Variants in RALGAPA2 observed in about 807,000 individuals in gnomAD.
RALGAPA2 encodes ral GTPase-activating protein subunit alpha-2.
RALGAPA2 carries 139 observed loss-of-function variants against 230.4 expected under a neutral mutation model. The ratio of observed to expected loss-of-function variants is 0.60; its 90% CI spans 0.53 to 0.69. The LOEUF is 0.69. Ranked by LOEUF, RALGAPA2 falls within the 30% of genes least tolerant of loss-of-function variation. The probability of loss-of-function intolerance (pLI) is 0.00; values close to 1 mark genes in which losing one functional copy is unlikely to be tolerated. For missense variants in RALGAPA2, 2,163 were observed against 2,276.0 expected (o/e 0.95, Z 1.01); for synonymous variants, 847 against 837.8 (o/e 1.01, Z -0.19).
chr20:20,603,205 A>G (rs1296291230), intron 15 of RALGAPA2, among the ~76,000 whole-genome samples: 2 of 152,212 alleles, frequency 1.3e-5, no homozygotes, highest in African/African-American at 4.8e-5. Flanking sequence ...AAAATGTTAG[A>G]AAATCATTGC....
chr20:20,429,489 C>G (rs2060457983), intron 37 of RALGAPA2, among the ~76,000 whole-genome samples: 1 of 152,142 alleles, frequency 6.6e-6, no homozygotes, highest in South Asian at 2.1e-4. Flanking sequence ...GTACAATTGT[C>G]ATAAGAAGCT....
chr20:20,652,742 G>C (rs1025230668), intron 4 of RALGAPA2, among the ~76,000 whole-genome samples: 6 of 152,194 alleles, frequency 3.9e-5, no homozygotes, highest in Non-Finnish European at 7.3e-5. Flanking sequence ...CTCCAGCTGT[G>C]CTGTGTATAT....
chr20:20,518,848 A>T (rs955723267), intron 31 of RALGAPA2, among the ~76,000 whole-genome samples: 6 of 152,218 alleles, frequency 3.9e-5, no homozygotes, highest in Non-Finnish European at 2.9e-5. Flanking sequence ...CTTTAGGAAA[A>T]AACAAGTTAA....
chr20:20,566,567 T>C (rs2064433528), intron 23 of RALGAPA2, among the ~76,000 whole-genome samples: 1 of 152,208 alleles, frequency 6.6e-6, no homozygotes, highest in Middle Eastern at 3.2e-3. Flanking sequence ...GTTCTTCTCC[T>C]TACCCTTAAT....
chr20:20,478,625 T>C (rs77637468), intron 36 of RALGAPA2, among the ~76,000 whole-genome samples: 4 of 151,566 alleles, frequency 2.6e-5, no homozygotes, highest in Non-Finnish European at 4.4e-5. Context: ...GAGCTAAACA[T>C]TGAGTACTCA....
At chr20:20,459,824 A>C (rs1031429085) in intron 37 of RALGAPA2, among the ~76,000 whole-genome samples, 4 of 152,244 alleles carry the variant, frequency 2.6e-5, no homozygotes, top group Non-Finnish European at 5.9e-5. Context: ...GAATTATTTG[A>C]AGCAGCAGCT....
chr20:20,628,777 C>T (rs763260315), intron 10 of RALGAPA2, among the ~76,000 whole-genome samples: 9 of 152,190 alleles, frequency 5.9e-5, no homozygotes, highest in Non-Finnish European at 1.0e-4. Flanking sequence ...GGCCACTAAC[C>T]GTAGCCTGGG....
intron 38 of RALGAPA2, among the ~76,000 whole-genome samples, chr20:20,404,031 G>C (rs1014257900): frequency 6.6e-5 from 10 of 152,146 alleles, no homozygotes; most frequent in African/African-American, 2.4e-4. Flanking sequence ...GCCTCTGCGT[G>C]GGGGCACAGG....
chr20:20,524,388 G>A lies in RALGAPA2; in HGVS notation c.3900+18C>T. 1 of 1,613,414 alleles carries A rather than the reference G, an allele frequency of 6.2e-7. No homozygotes were observed. The highest frequency in any genetic ancestry group is 8.5e-7 in the Non-Finnish European group (1 of 1,179,604). The stretch of plus-strand genomic sequence containing the variant: ...ATAAACCCACACTCCATTCCCCCAG[G>A]CCCAGGTGTAGACTCACCCTGTAGA... On this transcript the variant is annotated intron_variant, in intron 30 of 39. Coordinates refer to ENST00000202677, the MANE Select transcript of RALGAPA2 (RefSeq NM_020343.4).
intron 31 of RALGAPA2, among the ~76,000 whole-genome samples, chr20:20,516,402 T>C (rs1401543880): frequency 6.6e-6 from 1 of 152,190 alleles, no homozygotes; most frequent in East Asian, 1.9e-4. Flanking sequence ...AAGCACCACC[T>C]CATGGCTGCA....
chr20:20,526,700 C>T (rs549332173), intron 27 of RALGAPA2, among the ~76,000 whole-genome samples: 40 of 152,278 alleles, frequency 2.6e-4, no homozygotes, highest in African/African-American at 9.1e-4. Context: ...TTAAAATGTA[C>T]CCCCATACAC....
intron 32 of RALGAPA2, among the ~76,000 whole-genome samples, chr20:20,512,223 C>CCA (rs2062727247): frequency 1.5e-5 from 2 of 135,722 alleles, no homozygotes; most frequent in South Asian, 4.6e-4. Flanking sequence ...ACAACCCCCC[C>CCA]TACACACACA....
chr20:20,535,860 T>G, intron 25 of RALGAPA2, 57 bp from the exon 26 acceptor site: 1 of 1,516,228 alleles, frequency 6.6e-7, no homozygotes, highest in Non-Finnish European at 8.9e-7. Flanking sequence ...GTTTCCCACA[T>G]GTTCTGACCA....
At chr20:20,532,134 GA>G (rs2063383188) in intron 26 of RALGAPA2, among the ~76,000 whole-genome samples, 1 of 152,090 alleles carries the variant, frequency 6.6e-6, no homozygotes, top group African/African-American at 2.4e-5. Flanking sequence ...GGAAGAATAA[GA>G]AACATAAATC....
At chr20:20,524,793 A>G (rs1399186107) in intron 29 of RALGAPA2, 37 bp downstream of exon 29, 1 of 1,492,326 alleles carries the variant, frequency 6.7e-7, no homozygotes, top group African/African-American at 1.4e-5. Context: ...TTAAAATAAA[A>G]AAACTATAGG....
In RALGAPA2 at chr20:20,657,343, G is replaced by A. The variant is rs1392162689; in HGVS notation, c.271-3756C>T. Among the ~76,000 whole-genome samples, 3 of 152,216 alleles carry A rather than the reference G, an allele frequency of 2.0e-5. No homozygotes were observed. In the East Asian group the frequency reaches 5.8e-4, roughly 29 times the overall value. On this transcript the variant is annotated intron_variant, in intron 3 of 39. Coordinates refer to ENST00000202677, the MANE Select transcript of RALGAPA2 (RefSeq NM_020343.4). ...TACTGGCTTGGGGCCATGATGCAAAGAGTATGACCAAGGATGGAAAGCCGA... is the reference window on the plus strand; with the variant it reads ...TACTGGCTTGGGGCCATGATGCAAAAAGTATGACCAAGGATGGAAAGCCGA...
Position 20,437,382 on chromosome 20 carries a change from G to A in RALGAPA2, c.5496-25234C>T, listed in dbSNP as rs1416903139. ...GCCACGCCATTGTCATTTCGTTCCT[G>A]GATTATGGCTGTGGCCTCCTACCTC... On this transcript the variant is annotated intron_variant, in intron 37 of 39. Coordinates refer to ENST00000202677, the MANE Select transcript of RALGAPA2 (RefSeq NM_020343.4). This position sits in a 1 kb window ranked among gnomAD's most constrained non-coding sequence, Gnocchi z 4.1. 6.6e-6 allele frequency among the ~76,000 whole-genome samples: 1 copy of A among 152,070 alleles called. No homozygotes were observed. Among genetic ancestry groups the A allele is most frequent in the Non-Finnish European group, 1.5e-5 (1 of 67,994 alleles).
At position 20,613,112 on chromosome 20, in the gene RALGAPA2, T is replaced by A. The variant is rs139811736; in HGVS notation, c.1689-1686A>T. ...TGGAAGAAAACAAGGGTTGAAAAAC[T>A]ATGATTTGGAAAAATCTTTCCTTAT... On this transcript the variant is annotated intron_variant, in intron 13 of 39. Coordinates refer to ENST00000202677, the MANE Select transcript of RALGAPA2 (RefSeq NM_020343.4). Among the ~76,000 whole-genome samples the A allele has an allele frequency of 7.2e-3, 1,098 of 152,358 alleles. 10 individuals are homozygous for A. Among genetic ancestry groups the A allele is most frequent in the African/African-American group, 0.025 (1,054 of 41,584 alleles).
At chr20:20,495,349 G>T in intron 35 of RALGAPA2, 74 bp from the exon 36 acceptor site, 1 of 1,289,354 alleles carries the variant, frequency 7.8e-7, no homozygotes, top group Non-Finnish European at 1.0e-6. Flanking sequence ...CTTACAAATT[G>T]AATTATAAAA....
Sources: gnomAD v4.1 joint callset for allele counts (sites outside exome capture counted in the v4.1 genomes callset) on GRCh38, gnomAD v4.1.1 for gene constraint, Gnocchi (gnomAD v3.1) non-coding constraint, MANE v1.5 for transcripts, NCBI Gene and HGNC (gene_info 2026-07-23, HGNC 2026-07-21) for gene names.